Variants in PDE3A observed in about 807,000 individuals in gnomAD.
The protein encoded by PDE3A is cGMP-inhibited 3',5'-cyclic phosphodiesterase 3A.
PDE3A carries 43 observed loss-of-function variants against 98.3 expected under a neutral mutation model. That is an observed-to-expected ratio of 0.44 (90% CI 0.34 to 0.56). The LOEUF (loss-of-function observed/expected upper bound fraction) is 0.56, where lower values mean the gene tolerates loss of function less well. Ranked by LOEUF, PDE3A falls within the 20% of genes least tolerant of loss-of-function variation. The pLI is 0.01. For synonymous variants in PDE3A, 663 were observed against 567.9 expected (o/e 1.17, Z -2.38); for missense variants, 1,427 against 1,440.7 (o/e 0.99, Z 0.15).
At chr12:20,603,925 CT>C (rs1943653367) in intron 2 of PDE3A, among the ~76,000 whole-genome samples, 1 of 152,098 alleles carries the variant, frequency 6.6e-6, no homozygotes, top group African/African-American at 2.4e-5. Flanking sequence ...AATCACAGCA[CT>C]TTGGGAGGCT....
intron 5 of PDE3A, among the ~76,000 whole-genome samples, chr12:20,625,615 T>C (rs1245754777): frequency 1.3e-5 from 2 of 152,188 alleles, no homozygotes; most frequent in Non-Finnish European, 2.9e-5. Context: ...AGCTGGTTCC[T>C]TTTTTGTTCC....
chr12:20,385,775 A>C (rs1357496234), intron 1 of PDE3A, among the ~76,000 whole-genome samples: 1 of 147,900 alleles, frequency 6.8e-6, no homozygotes, highest in African/African-American at 2.5e-5. Context: ...AACATCACAC[A>C]TCGGGGCCTG....
At chr12:20,511,934 A>G (rs1044998136) in intron 1 of PDE3A, among the ~76,000 whole-genome samples, 1 of 152,090 alleles carries the variant, frequency 6.6e-6, no homozygotes, top group African/African-American at 2.4e-5. Context: ...TCAAAAATCC[A>G]TAACTCCATC....
chr12:20,373,466 A>AT (rs920697864), intron 1 of PDE3A, among the ~76,000 whole-genome samples: 9 of 151,954 alleles, frequency 5.9e-5, no homozygotes, highest in African/African-American at 1.9e-4. Flanking sequence ...TAATTTTGCA[A>AT]TTTTTTTGTT....
At chr12:20,475,700 AGCC>A (rs575466313) in intron 1 of PDE3A, among the ~76,000 whole-genome samples, 173 of 150,208 alleles carry the variant, frequency 1.2e-3, no homozygotes, top group Admixed American at 1.8e-3. Flanking sequence ...AGTGCACTTC[AGCC>A]TGGGTGACAC....
intron 4 of PDE3A, among the ~76,000 whole-genome samples, chr12:20,619,959 C>A (rs1290948975): frequency 2.0e-5 from 3 of 152,038 alleles, no homozygotes; most frequent in Non-Finnish European, 2.9e-5. Context: ...TTAATGGATA[C>A]AGACAATAGT....
chr12:20,571,927 A>G, intron 2 of PDE3A: 1 of 1,060,890 alleles, frequency 9.4e-7, no homozygotes, highest in Non-Finnish European at 1.1e-6. Context: ...TCAATGAATG[A>G]GAGTGGGGCA....
rs186813121 is a variant in PDE3A, at chr12:20,599,978, C to G, written c.1012-13465C>G. On this transcript the variant is annotated intron_variant, in intron 2 of 15. Coordinates refer to ENST00000359062, the MANE Select transcript of PDE3A (RefSeq NM_000921.5). ...TACTAATCTCTCAAACACTGATCCA[C>G]TGCTGACCACTCCTTGCTTCTTAAC... Among the ~76,000 whole-genome samples the G allele has an allele frequency of 4.1e-4, 62 of 152,358 alleles. 1 individual carries two copies. The South Asian group carries it at 0.012, about 29-fold the overall frequency.
chr12:20,637,331 G>A, intron 9 of PDE3A, 94 bp downstream of exon 9: 1 of 846,950 alleles, frequency 1.2e-6, no homozygotes, highest in Non-Finnish European at 1.8e-6. Context: ...TTGTGGATAG[G>A]TGTTATGTGG....
chr12:20,655,105 T>C (rs1237679605), intron 15 of PDE3A, among the ~76,000 whole-genome samples: 1 of 152,102 alleles, frequency 6.6e-6, no homozygotes, highest in Non-Finnish European at 1.5e-5. Context: ...TGAGTATATC[T>C]ATAGTATGTT....
At chr12:20,399,249 T>C (rs139576096) in intron 1 of PDE3A, among the ~76,000 whole-genome samples, 44 of 152,316 alleles carry the variant, frequency 2.9e-4, no homozygotes, top group Non-Finnish European at 5.6e-4. Flanking sequence ...GCTTTCACTT[T>C]TTGTTTATTG....
At chr12:20,458,698 A>T (rs1021687951) in intron 1 of PDE3A, among the ~76,000 whole-genome samples, 2 of 152,128 alleles carry the variant, frequency 1.3e-5, no homozygotes, top group Admixed American at 1.3e-4. Flanking sequence ...GTTTTGCTCT[A>T]CTTGTCTGGT....
chr12:20,423,095 G>T (rs1471554163), intron 1 of PDE3A, among the ~76,000 whole-genome samples: 1 of 152,050 alleles, frequency 6.6e-6, no homozygotes, highest in African/African-American at 2.4e-5. Context: ...TCTATATTCA[G>T]ATCTCTGAAA....
chr12:20,470,966 G>A (rs77832966), intron 1 of PDE3A, among the ~76,000 whole-genome samples: 1,700 of 151,990 alleles, frequency 0.011, no homozygotes, highest in African/African-American at 0.038. Context: ...TGAGGACACA[G>A]TAAGAAGGTG....
At chr12:20,429,164 C>T (rs1372174390) in intron 1 of PDE3A, among the ~76,000 whole-genome samples, 3 of 152,124 alleles carry the variant, frequency 2.0e-5, no homozygotes, top group East Asian at 3.9e-4. Context: ...GTAATGGAAA[C>T]GATGTGAAGA....
chr12:20,541,601 C>T (rs1941913492), intron 1 of PDE3A, among the ~76,000 whole-genome samples: 1 of 152,060 alleles, frequency 6.6e-6, no homozygotes, highest in African/African-American at 2.4e-5. Flanking sequence ...ATACTTTACT[C>T]TTCCTTTTTT....
At chr12:20,595,437 G>A (rs994644752) in intron 2 of PDE3A, among the ~76,000 whole-genome samples, 1 of 152,110 alleles carries the variant, frequency 6.6e-6, no homozygotes. Flanking sequence ...CACTGCATAT[G>A]CTTTGAAGAC....
chr12:20,448,333 C>T (rs970295126), intron 1 of PDE3A, among the ~76,000 whole-genome samples: 2 of 152,072 alleles, frequency 1.3e-5, no homozygotes. Flanking sequence ...TCCAGCTACT[C>T]AGGAGGCTGA....
In PDE3A at chr12:20,630,144, A is replaced by G. The variant is rs1171912616; in HGVS notation, c.1760+17A>G. ...ATGTAGCAGGTAAGGATTTTTTATG[A>G]ACTGAAGTTTAATAATAAAAACGAT... On this transcript the variant is annotated intron_variant, in intron 6 of 15. Transcript: ENST00000359062. 6.6e-7 allele frequency: 1 copy of G among 1,522,988 alleles called. No individual in the cohort carries two copies. The highest frequency in any genetic ancestry group is 1.7e-5 in the Admixed American group (1 of 59,672). 94.3% of individuals were successfully genotyped at this position (1,522,988 alleles called of 1,614,324 possible).
Sources: gnomAD v4.1 joint callset for allele counts (sites outside exome capture counted in the v4.1 genomes callset) on GRCh38, gnomAD v4.1.1 for gene constraint, MANE v1.5 for transcripts, NCBI Gene and HGNC (gene_info 2026-07-23, HGNC 2026-07-21) for gene names.